The following TMEM108 variants were observed in gnomAD, a reference collection of about 807,000 sequenced individuals.
The protein encoded by TMEM108 is cancer/testis antigen 124.
TMEM108 carries 12 observed loss-of-function variants against 35.1 expected under a neutral mutation model. The ratio of observed to expected loss-of-function variants is 0.34; its 90% CI spans 0.22 to 0.55. TMEM108 has a LOEUF of 0.55. TMEM108 is among the 20% of genes least tolerant of loss of function. The pLI is 0.89. For missense variants in TMEM108, 680 were observed against 753.3 expected (o/e 0.90, Z 1.14); for synonymous variants, 287 against 308.6 (o/e 0.93, Z 0.73).
intron 2 of TMEM108, among the ~76,000 whole-genome samples, chr3:133,163,910 T>G (rs946268648): frequency 2.6e-5 from 4 of 152,202 alleles, no homozygotes; most frequent in African/African-American, 9.7e-5. Flanking sequence ...GTTCCACACT[T>G]GGTTGTTCTC....
At chr3:133,124,311 G>A (rs1027869203) in intron 2 of TMEM108, among the ~76,000 whole-genome samples, 1 of 152,190 alleles carries the variant, frequency 6.6e-6, no homozygotes. Context: ...AAGGTGTGAC[G>A]TACATGGCAA....
At chr3:133,223,384 T>G (rs1946020619) in intron 2 of TMEM108, among the ~76,000 whole-genome samples, 2 of 152,192 alleles carry the variant, frequency 1.3e-5, no homozygotes, top group Non-Finnish European at 2.9e-5. Context: ...TGTATGGAAT[T>G]GAACCTGGAG....
intron 3 of TMEM108, among the ~76,000 whole-genome samples, chr3:133,333,298 A>G (rs1216664451): frequency 6.6e-6 from 1 of 151,986 alleles, no homozygotes; most frequent in African/African-American, 2.4e-5. Context: ...TAAACTCTCT[A>G]CATTTTAACC....
At position 133,395,953 on chromosome 3, in the gene TMEM108, G is replaced by A; in HGVS notation, c.1695G>A (p.Leu565=). 6.2e-7 allele frequency: 1 copy of A among 1,603,630 alleles called. No homozygotes were observed. The highest frequency in any genetic ancestry group is 8.5e-7 in the Non-Finnish European group (1 of 1,175,460). ...VLVNPFCQET[L]FVGNDQVSEI ...TTAACCCCTTCTGTCAAGAAACACT[G>A]TTTGTGGGAAACGATCAAGTATCTG... is the stretch of plus-strand genomic sequence containing the variant. The change falls in exon 6 of 6, where the codon CTG becomes CTA. Residue 565 remains leucine (L), a synonymous_variant. Transcript: ENST00000321871.
intron 2 of TMEM108, among the ~76,000 whole-genome samples, chr3:133,227,223 C>G (rs1464616847): frequency 2.5e-5 from 3 of 121,094 alleles, no homozygotes; most frequent in African/African-American, 6.2e-5. Flanking sequence ...GAGACAGAGT[C>G]TCGCTGTCGC....
chr3:133,092,938 T>TC (rs11391396), intron 2 of TMEM108, among the ~76,000 whole-genome samples: 34,651 of 151,884 alleles, frequency 0.23, 4,741 homozygotes, highest in Non-Finnish European at 0.3. Context: ...CTCTGCCATG[T>TC]CTGTGGCTTG....
At chr3:133,233,401 G>C (rs1214344305) in intron 3 of TMEM108, among the ~76,000 whole-genome samples, 1 of 152,092 alleles carries the variant, frequency 6.6e-6, no homozygotes, top group African/African-American at 2.4e-5. Context: ...AGTATTCCAT[G>C]GTGTATATGT....
chr3:133,317,805 C>T (rs183514422), intron 3 of TMEM108, among the ~76,000 whole-genome samples: 4 of 152,144 alleles, frequency 2.6e-5, no homozygotes, highest in East Asian at 1.9e-4. Context: ...TCCTTCCCCT[C>T]GTGGTACTGA....
chr3:133,068,607 T>G (rs1388104817), intron 2 of TMEM108, among the ~76,000 whole-genome samples: 1 of 152,146 alleles, frequency 6.6e-6, no homozygotes, highest in African/African-American at 2.4e-5. Context: ...TGATATGATC[T>G]AGTTGAAGTT....
chr3:133,314,954 T>C (rs2071178251), intron 3 of TMEM108, among the ~76,000 whole-genome samples: 1 of 152,254 alleles, frequency 6.6e-6, no homozygotes, highest in Admixed American at 6.5e-5. Context: ...CCAAAATGCC[T>C]TAGTTTAAAA....
chr3:133,181,550 C>T (rs532125318), intron 2 of TMEM108, among the ~76,000 whole-genome samples: 4 of 152,208 alleles, frequency 2.6e-5, no homozygotes, highest in African/African-American at 9.6e-5. Context: ...TTTCCCTTCC[C>T]ACAGCCCAGA....
At chr3:133,176,987 A>G (rs1397721549) in intron 2 of TMEM108, among the ~76,000 whole-genome samples, 1 of 152,250 alleles carries the variant, frequency 6.6e-6, no homozygotes, top group Admixed American at 6.5e-5. Flanking sequence ...AGGGGATATC[A>G]CCACCAATCC....
At chr3:133,353,711 G>A (rs7627805) in intron 3 of TMEM108, among the ~76,000 whole-genome samples, 241 of 152,294 alleles carry the variant, frequency 1.6e-3, no homozygotes, top group African/African-American at 5.5e-3. Flanking sequence ...GTACAAGTGG[G>A]AGGAAGTAAT....
At chr3:133,142,569 A>G (rs1026222175) in intron 2 of TMEM108, among the ~76,000 whole-genome samples, 1 of 152,084 alleles carries the variant, frequency 6.6e-6, no homozygotes, top group Non-Finnish European at 1.5e-5. Flanking sequence ...CACACTCCAC[A>G]CTCCACATGT....
chr3:133,070,324 A>G (rs978820505), intron 2 of TMEM108, among the ~76,000 whole-genome samples: 2 of 152,152 alleles, frequency 1.3e-5, no homozygotes, highest in South Asian at 2.1e-4. Context: ...AAGTGAGGAC[A>G]AGAGAGGAGT....
chr3:133,109,802 A>G (rs565370148), intron 2 of TMEM108, among the ~76,000 whole-genome samples: 2 of 152,318 alleles, frequency 1.3e-5, no homozygotes, highest in East Asian at 3.9e-4. Flanking sequence ...TAATAGCTGC[A>G]GTTTTAGTCA....
intron 3 of TMEM108, among the ~76,000 whole-genome samples, chr3:133,281,293 T>C (rs73221167): frequency 0.044 from 6,687 of 152,318 alleles, 188 homozygotes; most frequent in Non-Finnish European, 0.064. Context: ...CTGGTCATTC[T>C]GTTGGAGTTT....
intron 3 of TMEM108, among the ~76,000 whole-genome samples, chr3:133,353,707 G>C (rs2107776116): frequency 6.6e-6 from 1 of 152,326 alleles, no homozygotes; most frequent in Admixed American, 6.5e-5. Flanking sequence ...GGTGGTACAA[G>C]TGGGAGGAAG....
At chr3:133,370,733 A>G (rs752739893) in intron 3 of TMEM108, among the ~76,000 whole-genome samples, 3 of 152,118 alleles carry the variant, frequency 2.0e-5, no homozygotes, top group Non-Finnish European at 4.4e-5. Flanking sequence ...CACTTTTCGT[A>G]TGTGAGTTTA....
Sources: allele counts gnomAD v4.1 joint callset (sites outside exome capture counted in the v4.1 genomes callset), GRCh38; gene constraint gnomAD v4.1.1; transcripts MANE v1.5; gene names NCBI Gene and HGNC (gene_info 2026-07-23, HGNC 2026-07-21).